The following VPS13D variants were observed in gnomAD, a reference collection of about 807,000 sequenced individuals.
The protein encoded by VPS13D is intermembrane lipid transfer protein VPS13D.
VPS13D carries 187 observed loss-of-function variants against 461.9 expected under a neutral mutation model. The observed-to-expected ratio is 0.40, with a 90% CI of 0.36 to 0.46. The LOEUF (loss-of-function observed/expected upper bound fraction) is 0.46. Ranked by LOEUF, VPS13D falls within the 20% of genes least tolerant of loss-of-function variation. The pLI, the probability that VPS13D is intolerant of heterozygous loss-of-function variation, is 0.60. For synonymous variants in VPS13D, 1,951 were observed against 1,986.3 expected (o/e 0.98, Z 0.47); for missense variants, 4,711 against 5,364.9 (o/e 0.88, Z 3.81).
At chr1:12,335,901 A>G (rs971776339) in intron 39 of VPS13D, 74 bp downstream of exon 39, 34 of 1,597,692 alleles carry the variant, frequency 2.1e-5, no homozygotes, top group African/African-American at 4.0e-5. Flanking sequence ...GAGAAATTCA[A>G]ATGGAACCAT....
At chr1:12,503,204 T>A (rs185727775) in intron 68 of VPS13D, among the ~76,000 whole-genome samples, 60 of 152,356 alleles carry the variant, frequency 3.9e-4, no homozygotes, top group African/African-American at 1.4e-3. Context: ...TCACCCACTC[T>A]TAGCACCTGT....
At chr1:12,489,156 GC>G (rs1645843112) in intron 67 of VPS13D, among the ~76,000 whole-genome samples, 1 of 152,064 alleles carries the variant, frequency 6.6e-6, no homozygotes, top group South Asian at 2.1e-4. Context: ...AGGTAGTCTC[GC>G]CCCTGAGGCA....
intron 2 of VPS13D, among the ~76,000 whole-genome samples, chr1:12,238,209 A>ATG (rs1370765758): frequency 7.1e-6 from 1 of 140,284 alleles, no homozygotes; most frequent in Non-Finnish European, 1.5e-5. Flanking sequence ...ATATATATAT[A>ATG]AAATAATCCC....
At chr1:12,264,652 AAGTTTG>A (rs1557672601) in intron 13 of VPS13D, among the ~76,000 whole-genome samples, 1 of 152,214 alleles carries the variant, frequency 6.6e-6, no homozygotes, top group Non-Finnish European at 1.5e-5. Flanking sequence ...TGCAGAAGAA[AAGTTTG>A]AAGCTAGCAG....
intron 27 of VPS13D, among the ~76,000 whole-genome samples, chr1:12,311,007 C>T (rs931260148): frequency 6.6e-6 from 1 of 152,000 alleles, no homozygotes. Context: ...CCCTTGACTT[C>T]CTGGGCTCAA....
chr1:12,251,791 C>G (rs1273001406), intron 6 of VPS13D, among the ~76,000 whole-genome samples: 1 of 152,194 alleles, frequency 6.6e-6, no homozygotes, highest in Non-Finnish European at 1.5e-5. Flanking sequence ...GCCTGAAGTC[C>G]AAACACCTTA....
intron 62 of VPS13D, 27 bp from the exon 63 acceptor site, chr1:12,403,797 TG>T: frequency 1.3e-6 from 2 of 1,559,760 alleles, no homozygotes. Context: ...AATTCTTTTT[TG>T]TTTTTTTAAT....
At chr1:12,325,292 C>A (rs181835499) in intron 35 of VPS13D, among the ~76,000 whole-genome samples, 1 of 151,970 alleles carries the variant, frequency 6.6e-6, no homozygotes, top group African/African-American at 2.4e-5. Context: ...CAGAGTCTCG[C>A]TCTCTTGCCC....
chr1:12,471,812 A>G (rs1445627768), intron 67 of VPS13D, among the ~76,000 whole-genome samples: 1 of 151,732 alleles, frequency 6.6e-6, no homozygotes, highest in Non-Finnish European at 1.5e-5. Context: ...CTCTTTCAGT[A>G]TTGTCTGCTT....
At chr1:12,357,562 A>G (rs1360314284) in intron 49 of VPS13D, among the ~76,000 whole-genome samples, 1 of 152,230 alleles carries the variant, frequency 6.6e-6, no homozygotes, top group Non-Finnish European at 1.5e-5. Context: ...AAATATTGTT[A>G]TATTTTAAGA....
intron 68 of VPS13D, among the ~76,000 whole-genome samples, chr1:12,504,531 C>T (rs370760825): frequency 1.3e-5 from 2 of 152,236 alleles, no homozygotes; most frequent in East Asian, 1.9e-4. Context: ...CCTTGACCTC[C>T]GTGCTCACTT....
At chr1:12,288,112 C>A (rs1642024232) in intron 21 of VPS13D, 111 bp from the exon 22 acceptor site, 1 of 896,664 alleles carries the variant, frequency 1.1e-6, no homozygotes, top group Non-Finnish European at 1.8e-6. Context: ...AAAGCATTAC[C>A]TTCAAGTTTC....
At chr1:12,254,758 C>T (rs1640859192) in intron 7 of VPS13D, among the ~76,000 whole-genome samples, 1 of 151,164 alleles carries the variant, frequency 6.6e-6, no homozygotes, top group Non-Finnish European at 1.5e-5. Flanking sequence ...GAACTCCTGA[C>T]CTCAAGTGAT....
At chr1:12,384,175 C>A (rs1340166831) in intron 58 of VPS13D, among the ~76,000 whole-genome samples, 1 of 152,096 alleles carries the variant, frequency 6.6e-6, no homozygotes, top group Non-Finnish European at 1.5e-5. Context: ...GTGGCCTGAA[C>A]TGGAAGAAGT....
Position 12,304,599 on chromosome 1 carries a change from G to A in VPS13D, c.6310G>A (p.Gly2104Arg), listed in dbSNP as rs143146120. Residue 2104 changes from glycine (G) to arginine (R), a missense_variant, in exon 26 of 70, where the codon GGG (glycine) becomes AGG (arginine). By Grantham distance (125) the Gly-to-Arg change is moderately radical. This residue lies in a region of VPS13D where 4,411 missense variants were observed against 4,937.8 expected (regional missense o/e 0.89). Coordinates refer to ENST00000620676, the MANE Select transcript of VPS13D (RefSeq NM_015378.4). ...TEEPRGTHSQGQFTMPLAGMS... is the reference protein window; with the variant it reads ...TEEPRGTHSQRQFTMPLAGMS... The stretch of plus-strand genomic sequence containing the variant: ...GGAGCCCAGGGGAACCCATTCCCAG[G>A]GGCAGTTCACGATGCCTCTTGCTGG... The A allele has an allele frequency of 6.1e-4, 992 of 1,613,970 alleles. No individual in the cohort carries two copies. Among genetic ancestry groups the A allele is most frequent in the Non-Finnish European group, 6.2e-4 (733 of 1,180,044 alleles).
intron 39 of VPS13D, chr1:12,336,028 T>G: frequency 1.5e-6 from 1 of 646,418 alleles, no homozygotes; most frequent in Non-Finnish European, 2.5e-6. Context: ...TGGGCTGTAA[T>G]TCCACCTTTG....
chr1:12,262,671 A>G (rs1438877966), intron 13 of VPS13D, among the ~76,000 whole-genome samples: 1 of 151,720 alleles, frequency 6.6e-6, no homozygotes, highest in Non-Finnish European at 1.5e-5. Context: ...TAGGTTAGGT[A>G]TATGAAATGC....
rs367800185 is a variant in VPS13D, at chr1:12,249,284, T to C, written c.509T>C (p.Phe170Ser). The change falls in exon 6 of 70, where the codon TTT becomes TCT. Residue 170 changes from phenylalanine to serine, a missense_variant. Physicochemically the swap from Phe to Ser is radical, Grantham distance 155. Around this residue, in one of 3 missense-constraint regions of VPS13D, gnomAD observed 4,411 missense variants for 4,937.8 expected, o/e 0.89. Transcript: ENST00000620676. ...EDGVTNPSHPFAFGICIKNVS... is the reference protein window; with the variant it reads ...EDGVTNPSHPSAFGICIKNVS... ...GGTGTCACCAATCCCTCCCATCCTT[T>C]TGCTTTTGGCATCTGCATTAAGAAT... 4 of 1,613,932 alleles carry C rather than the reference T, an allele frequency of 2.5e-6. No individual in the cohort carries two copies. The highest frequency in any genetic ancestry group is 2.7e-5 in the African/African-American group (2 of 74,924).
chr1:12,382,539 A>G lies in VPS13D; in HGVS notation c.11191-437A>G, dbSNP rs574282722. 3.3e-5 allele frequency among the ~76,000 whole-genome samples: 5 copies of G among 152,256 alleles called. No homozygotes were observed. In the East Asian group the frequency reaches 9.7e-4, roughly 29 times the overall value. Reference sequence around the variant, plus strand: ...ATAGGCCTGTTTGGGGAGGTTTTCAACTCAAGAATTTTCCTCTTACTGGAA... The same window carrying G: ...ATAGGCCTGTTTGGGGAGGTTTTCAGCTCAAGAATTTTCCTCTTACTGGAA... On this transcript the variant is annotated intron_variant, in intron 57 of 69. Transcript: ENST00000620676.
Sources: gnomAD v4.1 joint callset for allele counts (sites outside exome capture counted in the v4.1 genomes callset) on GRCh38, gnomAD v4.1.1 for gene constraint, gnomAD v4.1.1 regional missense constraint, MANE v1.5 for transcripts, NCBI Gene and HGNC (gene_info 2026-07-23, HGNC 2026-07-21) for gene names.